The following MED27 variants were observed in gnomAD, a reference collection of about 807,000 sequenced individuals.
The protein encoded by MED27 is mediator of RNA polymerase II transcription subunit 27.
A neutral mutation model predicts 38.2 loss-of-function variants in MED27; 30 were observed. The ratio of observed to expected loss-of-function variants is 0.79; its 90% confidence interval spans 0.59 to 1.07. The LOEUF is 1.07. Ranked by LOEUF, MED27 falls within the 50% of genes least tolerant of loss-of-function variation. MED27 has a pLI of 0.00. For missense variants in MED27, 289 were observed against 397.5 expected, an observed-to-expected ratio of 0.73 and a Z score of 2.32; for synonymous variants, 122 against 153.5, an observed-to-expected ratio of 0.79 and a Z score of 1.52.
chr9:131,976,007 C>G (rs1831597686), intron 3 of MED27, among the ~76,000 whole-genome samples: 1 of 152,106 alleles, frequency 6.6e-6, no homozygotes, highest in Admixed American at 6.5e-5. Flanking sequence ...CTCCATTTAG[C>G]AGGGTCTGTG....
At chr9:131,988,158 T>C (rs1330441696) in intron 3 of MED27, among the ~76,000 whole-genome samples, 1 of 152,220 alleles carries the variant, frequency 6.6e-6, no homozygotes, top group Non-Finnish European at 1.5e-5. Context: ...TCCTATAGCA[T>C]AGTGGCTACT....
At chr9:132,041,492 C>G (rs913174802) in intron 2 of MED27, among the ~76,000 whole-genome samples, 1 of 152,190 alleles carries the variant, frequency 6.6e-6, no homozygotes, top group Non-Finnish European at 1.5e-5. Context: ...TTCTGCCAGA[C>G]AGTAACCATC....
At chr9:131,958,045 T>C (rs925868287) in intron 3 of MED27, among the ~76,000 whole-genome samples, 2 of 152,068 alleles carry the variant, frequency 1.3e-5, no homozygotes, top group Admixed American at 1.3e-4. Context: ...TCCTATCTTA[T>C]TTGGGGTGAT....
At chr9:131,880,380 C>A (rs924230707) in intron 6 of MED27, among the ~76,000 whole-genome samples, 4 of 152,014 alleles carry the variant, frequency 2.6e-5, no homozygotes, top group African/African-American at 9.7e-5. Flanking sequence ...TCTTACTTGT[C>A]CCTGAAAAAA....
chr9:131,863,166 T>G (rs1212170400), intron 6 of MED27, 26 bp from the exon 7 acceptor site: 3 of 1,600,304 alleles, frequency 1.9e-6, no homozygotes, highest in Non-Finnish European at 2.6e-6. Flanking sequence ...AAAGACGAGT[T>G]AGCGGCCACT....
intron 3 of MED27, among the ~76,000 whole-genome samples, chr9:131,993,849 T>A (rs1339883964): frequency 1.3e-5 from 2 of 152,106 alleles, no homozygotes; most frequent in African/African-American, 2.4e-5. Context: ...TCCTCCTACA[T>A]CCCAAAGACA....
At chr9:132,012,582 C>T (rs1379403681) in intron 3 of MED27, among the ~76,000 whole-genome samples, 2 of 152,078 alleles carry the variant, frequency 1.3e-5, no homozygotes, top group Non-Finnish European at 1.5e-5. Context: ...CCCTTGGGAT[C>T]CCCCCGGCTC....
chr9:132,070,112 T>A (rs1243170729), intron 2 of MED27, among the ~76,000 whole-genome samples: 2 of 152,142 alleles, frequency 1.3e-5, no homozygotes, highest in Non-Finnish European at 2.9e-5. Flanking sequence ...CTGCCACTCG[T>A]CCCAAATTAG....
intron 3 of MED27, among the ~76,000 whole-genome samples, chr9:131,976,915 T>C (rs780271856): frequency 1.3e-5 from 2 of 152,230 alleles, no homozygotes; most frequent in Non-Finnish European, 2.9e-5. Context: ...TCCCCCTTTC[T>C]GCTCTCCCAA....
At chr9:131,927,486 T>C (rs572446593) in intron 4 of MED27, among the ~76,000 whole-genome samples, 48 of 152,374 alleles carry the variant, frequency 3.2e-4, no homozygotes, top group African/African-American at 9.9e-4. Context: ...TGCTTTTATT[T>C]CTGCCATTCA....
chr9:131,933,134 T>A (rs1381931447), intron 4 of MED27, among the ~76,000 whole-genome samples: 1 of 152,142 alleles, frequency 6.6e-6, no homozygotes, highest in Non-Finnish European at 1.5e-5. Context: ...ATAAAAGCCA[T>A]ATATGACAGA....
intron 3 of MED27, among the ~76,000 whole-genome samples, chr9:131,940,687 A>C (rs1170845790): frequency 6.6e-6 from 1 of 152,194 alleles, no homozygotes; most frequent in African/African-American, 2.4e-5. Flanking sequence ...AAATGCCGGG[A>C]TTACAGGCGT....
intron 2 of MED27, among the ~76,000 whole-genome samples, chr9:132,026,776 TA>T (rs977839875): frequency 1.6e-4 from 24 of 150,224 alleles, no homozygotes; most frequent in Middle Eastern, 3.4e-3. Flanking sequence ...GGCCTATCAA[TA>T]AAAAAAAAAA....
At chr9:131,941,930 A>G (rs1343618504) in intron 3 of MED27, among the ~76,000 whole-genome samples, 1 of 141,894 alleles carries the variant, frequency 7.0e-6, no homozygotes, top group Non-Finnish European at 1.5e-5. Context: ...GGTTCACACC[A>G]TTCTCCTGCC....
At chr9:131,988,099 A>C (rs1451532918) in intron 3 of MED27, among the ~76,000 whole-genome samples, 1 of 152,272 alleles carries the variant, frequency 6.6e-6, no homozygotes, top group Non-Finnish European at 1.5e-5. Context: ...AAGTAAAATC[A>C]TGGTATTAAA....
At chr9:132,032,129 G>T (rs1304983240) in intron 2 of MED27, 1 of 152,154 alleles carries the variant, frequency 6.6e-6, no homozygotes, top group Non-Finnish European at 1.5e-5. Context: ...TGGGCACGGG[G>T]GACGGCTCTG....
intron 3 of MED27, among the ~76,000 whole-genome samples, chr9:131,968,011 G>A (rs1831388688): frequency 1.3e-5 from 2 of 151,292 alleles, no homozygotes; most frequent in Non-Finnish European, 1.5e-5. Context: ...TAGTAGAGAC[G>A]GGGTTTCACC....
intron 2 of MED27, among the ~76,000 whole-genome samples, chr9:132,016,146 A>C (rs1282236987): frequency 6.6e-6 from 1 of 152,212 alleles, no homozygotes; most frequent in Non-Finnish European, 1.5e-5. Flanking sequence ...TAATGTTCTG[A>C]AAAATAAATG....
intron 4 of MED27, among the ~76,000 whole-genome samples, chr9:131,931,178 G>C (rs979847471): frequency 2.0e-5 from 3 of 152,092 alleles, no homozygotes; most frequent in Non-Finnish European, 4.4e-5. Flanking sequence ...TCAGGGGGCG[G>C]AGGCTGCAGT....
Sources: gnomAD v4.1 joint callset for allele counts (sites outside exome capture counted in the v4.1 genomes callset) on GRCh38, gnomAD v4.1.1 for gene constraint, MANE v1.5 for transcripts, NCBI Gene and HGNC (gene_info 2026-07-23, HGNC 2026-07-21) for gene names.